The following POLR3G variants were observed in gnomAD, a reference collection of about 807,000 sequenced individuals.
POLR3G encodes DNA-directed RNA polymerase III subunit RPC7.
In POLR3G, 28 loss-of-function variants were observed where a neutral mutation model predicts 30.1. The ratio of observed to expected loss-of-function variants is 0.93; its 90% CI spans 0.69 to 1.27. The LOEUF is 1.27. POLR3G is among the 50% of genes most tolerant of loss of function. POLR3G has a pLI of 0.00. For missense variants in POLR3G, 254 were observed against 264.6 expected (o/e 0.96, Z 0.28); for synonymous variants, 79 against 82.5 (o/e 0.96, Z 0.23).
rs916062962 is a variant in POLR3G at position 90,474,895 on chromosome 5, G to C, written c.-169G>C. The C allele has an allele frequency of 6.6e-6, 1 of 152,640 alleles. No homozygotes were observed. Among genetic ancestry groups the C allele is most frequent in the Non-Finnish European group, 1.5e-5 (1 of 68,330 alleles). 9.5% of individuals were successfully genotyped at this position (152,640 alleles called of 1,614,324 possible). A position where few individuals can be genotyped will look rare whatever the true frequency, so the allele number is the denominator to read the frequency against. On this transcript the variant is annotated 5_prime_UTR_variant, in exon 1 of 8. Coordinates refer to ENST00000651687, the MANE Select transcript of POLR3G (RefSeq NM_006467.3). ...CGGTCCTGGTGCCGCGTGCAGGTCG[G>C]TGCGCGCTTCTCCCGAGGTGGAACG...
intron 1 of POLR3G, among the ~76,000 whole-genome samples, chr5:90,475,821 C>A (rs1415507102): frequency 6.6e-6 from 1 of 152,222 alleles, no homozygotes. Flanking sequence ...TAGCGATTCT[C>A]CTGCTTCAGC....
At chr5:90,484,183 G>C (rs112315465) in intron 1 of POLR3G, among the ~76,000 whole-genome samples, 1 of 152,152 alleles carries the variant, frequency 6.6e-6, no homozygotes, top group Non-Finnish European at 1.5e-5. Flanking sequence ...TATCTGGAAG[G>C]CTTCTTAAAA....
intron 3 of POLR3G, among the ~76,000 whole-genome samples, chr5:90,488,790 T>G (rs1396976442): frequency 6.6e-6 from 1 of 150,438 alleles, no homozygotes; most frequent in Non-Finnish European, 1.5e-5. Context: ...TTTGATATGA[T>G]GTAAAATATG....
intron 7 of POLR3G, among the ~76,000 whole-genome samples, chr5:90,509,131 C>G (rs1178212410): frequency 1.3e-5 from 2 of 152,200 alleles, no homozygotes; most frequent in African/African-American, 4.8e-5. Flanking sequence ...GTGCTAATTG[C>G]CAAGTCTTAG....
intron 6 of POLR3G, chr5:90,502,220 G>A: frequency 1.0e-6 from 1 of 984,820 alleles, no homozygotes; most frequent in Non-Finnish European, 1.2e-6. Context: ...CTCACCTTCT[G>A]TCACCTCTTT....
upstream of POLR3G, chr5:90,474,474 G>A (rs994300377): frequency 3.3e-6 from 2 of 609,194 alleles, no homozygotes; most frequent in Admixed American, 6.1e-5. Context: ...GCAGACCGAC[G>A]CTGCCCGTAG....
chr5:90,507,912 T>C (rs990689815), intron 7 of POLR3G, among the ~76,000 whole-genome samples: 2 of 152,214 alleles, frequency 1.3e-5, no homozygotes, highest in Non-Finnish European at 2.9e-5. Context: ...GTTTTAATTT[T>C]CTTTTCTAAG....
chr5:90,493,676 A>ATTTTTTTTTTT (rs70999488), intron 3 of POLR3G, among the ~76,000 whole-genome samples: 1 of 51,466 alleles, frequency 1.9e-5, no homozygotes, highest in Non-Finnish European at 3.9e-5. Context: ...CCACTATTTA[A>ATTTTTTTTTTT]TTTTTTTTTT....
Position 90,512,225 on chromosome 5 carries a change from A to G in POLR3G, c.*86A>G, listed in dbSNP as rs1307302231. The G allele has an allele frequency of 6.9e-6, 6 of 873,848 alleles. No homozygotes were observed. The highest frequency in any genetic ancestry group is 5.1e-5 in the African/African-American group (3 of 59,264). 54.1% of individuals were successfully genotyped at this position (873,848 alleles called of 1,614,324 possible). On this transcript the variant is annotated 3_prime_UTR_variant, in exon 8 of 8. Transcript: ENST00000651687. ...ATTTGTATTTTATTTCTGATAAGGA[A>G]TAAGTACTTGTTTCTGTTGTTTTGG...
In POLR3G at chr5:90,487,997, C is replaced by A; in HGVS notation, c.118-3C>A. On this transcript the variant is annotated splice_polypyrimidine_tract_variant and splice_region_variant and intron_variant, in intron 2 of 7. Transcript: ENST00000651687. ...AAAAATCTTTGTCTCTTAATTTAAA[C>A]AGGATACAGATTATAAACCAGTGCC... 1.9e-6 allele frequency: 3 copies of A among 1,556,778 alleles called. No homozygotes were observed. The highest frequency in any genetic ancestry group is 2.6e-6 in the Non-Finnish European group (3 of 1,158,096).
At chr5:90,502,959 G>A (rs1162668120) in intron 6 of POLR3G, among the ~76,000 whole-genome samples, 1 of 152,122 alleles carries the variant, frequency 6.6e-6, no homozygotes, top group Non-Finnish European at 1.5e-5. Flanking sequence ...TTTCACCTGT[G>A]TAGGGTAGAT....
upstream of POLR3G, chr5:90,474,842 G>A (rs1750703412): frequency 6.1e-6 from 1 of 164,488 alleles, no homozygotes; most frequent in African/African-American, 2.4e-5. Flanking sequence ...TAGGGAGTGG[G>A]CGGGGCTAGT....
chr5:90,497,073 C>G (rs1468622902), intron 4 of POLR3G, among the ~76,000 whole-genome samples: 1 of 151,954 alleles, frequency 6.6e-6, no homozygotes, highest in African/African-American at 2.4e-5. Flanking sequence ...CTGTTTAACT[C>G]TATGCTTAAA....
At chr5:90,511,050 T>TC (rs1201056114) in intron 7 of POLR3G, among the ~76,000 whole-genome samples, 5 of 152,142 alleles carry the variant, frequency 3.3e-5, no homozygotes, top group Non-Finnish European at 5.9e-5. Flanking sequence ...GTCTTATCAC[T>TC]CAGCTTTAAC....
Position 90,487,983 on chromosome 5 carries a change from T to G in POLR3G, c.118-17T>G. 1 of 1,518,010 alleles carries G rather than the reference T, an allele frequency of 6.6e-7. No individual in the cohort carries two copies. Among genetic ancestry groups the G allele is most frequent in the Non-Finnish European group, 8.8e-7 (1 of 1,137,874 alleles). 94.0% of individuals were successfully genotyped at this position (1,518,010 alleles called of 1,614,324 possible). ...ATAATTGATTTGAAAAAAATCTTTGTCTCTTAATTTAAACAGGATACAGAT... is the reference window on the plus strand; with the variant it reads ...ATAATTGATTTGAAAAAAATCTTTGGCTCTTAATTTAAACAGGATACAGAT... On this transcript the variant is annotated splice_polypyrimidine_tract_variant and intron_variant, in intron 2 of 7. Coordinates refer to ENST00000651687, the MANE Select transcript of POLR3G (RefSeq NM_006467.3).
rs185946617 is a variant in POLR3G, at chr5:90,475,458, C to A, written c.-44+438C>A. On this transcript the variant is annotated intron_variant, in intron 1 of 7. Transcript: ENST00000651687. ...GTCTTTTCTTATAAAAAATAAAATT[C>A]TATATCCACCCTTTTTTTAATTTTA... 4.8e-5 allele frequency among the ~76,000 whole-genome samples: 7 copies of A among 144,376 alleles called. No homozygotes were observed. The East Asian group carries it at 8.1e-4, about 17-fold the overall frequency. The allele number at this position is 144,376 out of a possible 152,430, so 94.7% of individuals were successfully genotyped here. A position where few individuals can be genotyped will look rare whatever the true frequency, so the allele number is the denominator to read the frequency against.
rs558108016 is a variant in POLR3G at position 90,510,239 on chromosome 5, G to A, written c.586-1814G>A. 1.2e-4 allele frequency among the ~76,000 whole-genome samples: 18 copies of A among 152,188 alleles called. 1 individual carries two copies. In the South Asian group the frequency reaches 2.7e-3, roughly 23 times the overall value. ...TAAAAATACAAAAAATTAGCCGGGC[G>A]TGGTGGCAGGCGCCTGTAGTCCCGG... On this transcript the variant is annotated intron_variant, in intron 7 of 7. Transcript: ENST00000651687.
chr5:90,511,322 G>T (rs931880297), intron 7 of POLR3G, among the ~76,000 whole-genome samples: 7 of 137,808 alleles, frequency 5.1e-5, no homozygotes, highest in African/African-American at 1.8e-4. Context: ...GAATTTTCTT[G>T]GTTGTCTCAA....
intron 2 of POLR3G, 81 bp from the exon 3 acceptor site, chr5:90,487,919 C>A: frequency 3.5e-6 from 4 of 1,136,160 alleles, no homozygotes; most frequent in Non-Finnish European, 4.7e-6. Context: ...AATAAAACTG[C>A]TGTTTTCTAT....
Sources: allele counts gnomAD v4.1 joint callset (sites outside exome capture counted in the v4.1 genomes callset), GRCh38; gene constraint gnomAD v4.1.1; transcripts MANE v1.5; gene names NCBI Gene and HGNC (gene_info 2026-07-23, HGNC 2026-07-21).